Variants in EIF4G3 observed in about 807,000 individuals in gnomAD.
EIF4G3 encodes eIF-4-gamma 3.
Under a neutral mutation model 186.4 loss-of-function variants are expected in EIF4G3, and 34 were observed. The ratio of observed to expected loss-of-function variants is 0.18; its 90% confidence interval spans 0.14 to 0.24. EIF4G3 has a LOEUF of 0.24. Among genes scored for constraint, EIF4G3 ranks in the 10% least tolerant of loss-of-function variants. EIF4G3 has a pLI of 1.00. For synonymous variants in EIF4G3, 673 were observed against 679.5 expected (o/e 0.99, Z 0.15); for missense variants, 1,536 against 1,948.5 (o/e 0.79, Z 3.99).
chr1:20,987,331 A>G (rs1373413453), intron 7 of EIF4G3, among the ~76,000 whole-genome samples: 1 of 152,262 alleles, frequency 6.6e-6, no homozygotes, highest in East Asian at 1.9e-4. Context: ...ATCACATTAG[A>G]TATTCCCATG....
chr1:20,831,616 T>C (rs900149968), intron 30 of EIF4G3, among the ~76,000 whole-genome samples: 18 of 151,360 alleles, frequency 1.2e-4, no homozygotes, highest in Admixed American at 2.6e-4. Context: ...TTTTTCTTTT[T>C]TTTTTTTATA....
At chr1:21,012,438 C>T (rs574440807) in intron 4 of EIF4G3, among the ~76,000 whole-genome samples, 1 of 152,260 alleles carries the variant, frequency 6.6e-6, no homozygotes, top group African/African-American at 2.4e-5. Flanking sequence ...TAAAGCAGGA[C>T]ACTTTTTGCT....
intron 14 of EIF4G3, among the ~76,000 whole-genome samples, chr1:20,908,572 A>G (rs1024007333): frequency 6.6e-6 from 1 of 152,142 alleles, no homozygotes; most frequent in African/African-American, 2.4e-5. Flanking sequence ...AAAAGAGCGC[A>G]CCTTACAGTA....
At position 20,941,645 on chromosome 1, in the gene EIF4G3, T is replaced by G. The variant is rs2095717115; in HGVS notation, c.1509A>C (p.Thr503=). The G allele has an allele frequency of 1.2e-6, 2 of 1,614,110 alleles. No individual in the cohort carries two copies. ...CGTCCTCCTCTAGGACTCTCTGGAC[T>G]GTGATGGCAGCACTCGGAGAACTAA... The part of the protein sequence containing the change: ...TTVSSPSAAI[T]VQRVLEEDES... The change falls in exon 14 of 37, where the codon ACA becomes ACC. Residue 503 remains threonine, a synonymous_variant. Transcript: ENST00000602326.
intron 28 of EIF4G3, among the ~76,000 whole-genome samples, chr1:20,850,130 C>T (rs924951095): frequency 6.6e-6 from 1 of 152,170 alleles, no homozygotes; most frequent in African/African-American, 2.4e-5. Context: ...GCACCTTTCT[C>T]AGTTTGTGTC....
intron 36 of EIF4G3, among the ~76,000 whole-genome samples, chr1:20,807,849 A>G (rs1437922428): frequency 1.6e-5 from 2 of 126,436 alleles, no homozygotes; most frequent in Non-Finnish European, 3.1e-5. Context: ...TGCAACCTCT[A>G]CCTCCTGGGT....
intron 2 of EIF4G3, among the ~76,000 whole-genome samples, chr1:21,096,273 T>C (rs1299426720): frequency 6.6e-6 from 1 of 152,234 alleles, no homozygotes. Context: ...CATGATCTTA[T>C]GTGAAACAAC....
Position 20,981,061 on chromosome 1 carries a change from T to C in EIF4G3, c.365A>G (p.Tyr122Cys), listed in dbSNP as rs372287366. Residue 122 changes from tyrosine (Y) to cysteine (C), a missense_variant, in exon 9 of 37, where the codon TAC becomes TGC. Physicochemically the swap from Tyr to Cys is radical, Grantham distance 194. Transcript: ENST00000602326. ...MPYPVPQGPQ[Y>C]CIPQYRHSGP... ...AAGATACTTTACCTGTGGTATACAG[T>C]ACTGAGGCCCCTGGGGCACTGGGTA... is the stretch of plus-strand genomic sequence containing the variant. 6.8e-6 allele frequency: 11 copies of C among 1,610,638 alleles called. No homozygotes were observed. The highest frequency in any genetic ancestry group is 9.3e-6 in the Non-Finnish European group (11 of 1,178,198).
At chr1:20,927,903 G>T (rs2095035054) in intron 14 of EIF4G3, among the ~76,000 whole-genome samples, 2 of 152,108 alleles carry the variant, frequency 1.3e-5, no homozygotes, top group Non-Finnish European at 2.9e-5. Context: ...TGTCACCCAG[G>T]CTGGAGAGCA....
At position 21,176,323 on chromosome 1, in the gene EIF4G3, C is replaced by T. The variant is rs1345780782; in HGVS notation, c.-420G>A. 2 of 260,990 alleles carry T rather than the reference C, an allele frequency of 7.7e-6. No individual in the cohort carries two copies. The highest frequency in any genetic ancestry group is 5.6e-5 in the Admixed American group (1 of 17,876). 16.2% of individuals were successfully genotyped at this position (260,990 alleles called of 1,614,324 possible). A position where few individuals can be genotyped will look rare whatever the true frequency, so the allele number is the denominator to read the frequency against. On this transcript the variant is annotated 5_prime_UTR_variant, in exon 2 of 37. Transcript: ENST00000602326. ...GCTGCTGCCGCCGCCGCCGCCGCTCCGGTGCCGGGTCCGGTTCCTGCTGCA... is the reference window on the plus strand; with the variant it reads ...GCTGCTGCCGCCGCCGCCGCCGCTCTGGTGCCGGGTCCGGTTCCTGCTGCA...
At chr1:20,948,996 A>G (rs2096089190) in intron 13 of EIF4G3, among the ~76,000 whole-genome samples, 1 of 151,080 alleles carries the variant, frequency 6.6e-6, no homozygotes, top group Non-Finnish European at 1.5e-5. Context: ...AAAAAAGAAT[A>G]ATTTTTAGAA....
intron 20 of EIF4G3, among the ~76,000 whole-genome samples, chr1:20,873,233 C>A (rs973801229): frequency 3.3e-5 from 5 of 152,192 alleles, no homozygotes; most frequent in Admixed American, 6.5e-5. Flanking sequence ...GATTCACTGT[C>A]CTTGTATAAA....
At chr1:21,126,930 G>A (rs2097057578) in intron 2 of EIF4G3, among the ~76,000 whole-genome samples, 1 of 152,088 alleles carries the variant, frequency 6.6e-6, no homozygotes, top group African/African-American at 2.4e-5. Context: ...TGTAAATGTT[G>A]TATAAAGAGT....
chr1:21,135,496 C>T (rs541766925), intron 2 of EIF4G3, among the ~76,000 whole-genome samples: 43 of 152,138 alleles, frequency 2.8e-4, no homozygotes, highest in Middle Eastern at 6.8e-3. Flanking sequence ...AGCGAAACTC[C>T]GTCTCAAAAA....
At chr1:21,092,815 T>C (rs947701360) in intron 2 of EIF4G3, among the ~76,000 whole-genome samples, 4 of 152,138 alleles carry the variant, frequency 2.6e-5, no homozygotes, top group African/African-American at 9.7e-5. Context: ...AACCATCTGA[T>C]CTTTGACAAA....
intron 12 of EIF4G3, among the ~76,000 whole-genome samples, chr1:20,950,699 G>A (rs1306415901): frequency 1.3e-5 from 2 of 152,056 alleles, no homozygotes; most frequent in African/African-American, 4.8e-5. Flanking sequence ...GTCAAATATG[G>A]TATTTTCAGA....
rs145728262 is a variant in EIF4G3 at position 21,014,389 on chromosome 1, G to T, written c.-66-11581C>A. On this transcript the variant is annotated intron_variant, in intron 4 of 36. Coordinates refer to ENST00000602326, the MANE Select transcript of EIF4G3 (RefSeq NM_001391906.1). ...TAAACAGGTAAATTGTGTGTCACAG[G>T]GGTTGCGTGTGTACAGATATTTTGT... Among the ~76,000 whole-genome samples the T allele has an allele frequency of 3.1e-3, 477 of 152,240 alleles. 3 individuals carry two copies. The highest frequency in any genetic ancestry group is 0.011 in the African/African-American group (461 of 41,526).
At chr1:20,814,078 C>T (rs2059856297) in intron 34 of EIF4G3, among the ~76,000 whole-genome samples, 1 of 149,748 alleles carries the variant, frequency 6.7e-6, no homozygotes, top group African/African-American at 2.5e-5. Flanking sequence ...TCCTGAGTAG[C>T]TGGGACTACA....
At chr1:20,849,559 AAAAT>A (rs1402983028) in intron 28 of EIF4G3, 29 bp from the exon 29 acceptor site, 7 of 1,046,358 alleles carry the variant, frequency 6.7e-6, no homozygotes, top group Non-Finnish European at 8.3e-6. Flanking sequence ...AAAAAAAGTA[AAAAT>A]AATAAAAATT....
Sources: allele counts gnomAD v4.1 joint callset (sites outside exome capture counted in the v4.1 genomes callset), GRCh38; gene constraint gnomAD v4.1.1; transcripts MANE v1.5; gene names NCBI Gene and HGNC (gene_info 2026-07-23, HGNC 2026-07-21).